CTNNA3: variants seen among roughly 807,000 people sequenced by gnomAD.
CTNNA3 encodes catenin alpha 3, also known as catenin alpha-3.
A neutral mutation model predicts 95.7 loss-of-function variants in CTNNA3; 76 were observed. The ratio of observed to expected loss-of-function variants is 0.79; its 90% CI spans 0.66 to 0.96. The LOEUF (loss-of-function observed/expected upper bound fraction) is 0.96, where lower values mean the gene tolerates loss of function less well. Ranked by LOEUF, CTNNA3 falls within the 40% of genes least tolerant of loss-of-function variation. The pLI is 0.00. For synonymous variants in CTNNA3, 431 were observed against 374.4 expected, an observed-to-expected ratio of 1.15 and a Z score of -1.74; for missense variants, 1,191 against 1,089.8, an observed-to-expected ratio of 1.09 and a Z score of -1.31.
At chr10:66,998,857 C>A (rs1221125411) in intron 7 of CTNNA3, among the ~76,000 whole-genome samples, 1 of 152,016 alleles carries the variant, frequency 6.6e-6, no homozygotes, top group Non-Finnish European at 1.5e-5. Flanking sequence ...GAAGTTTGTT[C>A]CAATGGCTAT....
rs145296210 is a variant in CTNNA3 at position 66,133,388 on chromosome 10, G to A, written c.1885-30139C>T. ...AAATTAGCCAGGCGTGGTGGCAGCCGCCTGTCATCCCAGCTATGGGGGAGG... is the reference window on the plus strand; with the variant it reads ...AAATTAGCCAGGCGTGGTGGCAGCCACCTGTCATCCCAGCTATGGGGGAGG... On this transcript the variant is annotated intron_variant, in intron 13 of 17. Coordinates refer to ENST00000433211, the MANE Select transcript of CTNNA3 (RefSeq NM_013266.4). Among the ~76,000 whole-genome samples, 383 of 152,014 alleles carry A rather than the reference G, an allele frequency of 2.5e-3. 1 individual carries two copies. Among genetic ancestry groups the A allele is most frequent in the African/African-American group, 8.1e-3 (336 of 41,480 alleles).
chr10:66,071,291 T>C (rs533007364), intron 14 of CTNNA3, among the ~76,000 whole-genome samples: 3 of 84,100 alleles, frequency 3.6e-5, no homozygotes, highest in Admixed American at 1.2e-4. Context: ...AGAACTCTGA[T>C]AGAAATAACT....
intron 9 of CTNNA3, among the ~76,000 whole-genome samples, chr10:66,651,800 G>GGCCCTTGATCGCGGCACACAGCAGC (rs138035312): frequency 0.65 from 98,918 of 151,402 alleles, 33,090 homozygotes; most frequent in East Asian, 0.95. Flanking sequence ...AACCCGCATT[G>GGCCCTTGATCGCGGCACACAGCAGC]GCCGGTTCCC....
chr10:67,097,616 T>A, intron 7 of CTNNA3: 1 of 1,612,504 alleles, frequency 6.2e-7, no homozygotes. Context: ...TGTCAACCTT[T>A]CTGGCATACG....
chr10:66,353,582 G>T (rs1045468543), intron 12 of CTNNA3, among the ~76,000 whole-genome samples: 6 of 152,206 alleles, frequency 3.9e-5, no homozygotes, highest in Admixed American at 2.6e-4. Context: ...AAGCAGAAAA[G>T]AACATGGAAG....
intron 11 of CTNNA3, among the ~76,000 whole-genome samples, chr10:66,502,557 T>A (rs116902219): frequency 0.011 from 1,696 of 152,252 alleles, 17 homozygotes; most frequent in Middle Eastern, 0.017. Flanking sequence ...CTAAAGTTAA[T>A]CACTGTTATG....
At chr10:67,624,014 G>T (rs1007106778) in intron 2 of CTNNA3, among the ~76,000 whole-genome samples, 4 of 151,932 alleles carry the variant, frequency 2.6e-5, no homozygotes, top group Non-Finnish European at 2.9e-5. Context: ...GTAGAGACAG[G>T]TTTCTCCATG....
chr10:66,851,340 G>A (rs2084989457), intron 7 of CTNNA3, among the ~76,000 whole-genome samples: 2 of 152,094 alleles, frequency 1.3e-5, no homozygotes, highest in African/African-American at 4.8e-5. Flanking sequence ...ACTTGGCCCA[G>A]TAATCTGGCA....
At chr10:66,751,987 G>T (rs770959144) in intron 9 of CTNNA3, among the ~76,000 whole-genome samples, 1 of 152,078 alleles carries the variant, frequency 6.6e-6, no homozygotes, top group Non-Finnish European at 1.5e-5. Context: ...CATGTTTGTG[G>T]ATTGGAGAAC....
intron 11 of CTNNA3, among the ~76,000 whole-genome samples, chr10:66,476,125 C>T (rs555089588): frequency 2.0e-5 from 3 of 152,036 alleles, no homozygotes; most frequent in Non-Finnish European, 2.9e-5. Flanking sequence ...GAAAACCGAA[C>T]ACCACTTGTT....
chr10:67,637,208 G>C (rs1434071751), intron 2 of CTNNA3, among the ~76,000 whole-genome samples: 1 of 152,218 alleles, frequency 6.6e-6, no homozygotes, highest in East Asian at 1.9e-4. Flanking sequence ...CTAGAACTAC[G>C]TGACGAATGC....
At chr10:66,183,784 GATACCAATTAT>G (rs1207603334) in intron 13 of CTNNA3, among the ~76,000 whole-genome samples, 1 of 151,850 alleles carries the variant, frequency 6.6e-6, no homozygotes, top group Admixed American at 6.6e-5. Context: ...GGGTTTTATT[GATACCAATTAT>G]ATACCAATTA....
chr10:66,508,574 T>C (rs1019024237), intron 11 of CTNNA3, among the ~76,000 whole-genome samples: 3 of 152,088 alleles, frequency 2.0e-5, no homozygotes, highest in Non-Finnish European at 4.4e-5. Context: ...TTATATATAA[T>C]TTTATACTAC....
intron 11 of CTNNA3, among the ~76,000 whole-genome samples, chr10:66,383,643 G>A (rs1357735019): frequency 1.3e-5 from 2 of 152,130 alleles, no homozygotes; most frequent in Non-Finnish European, 1.5e-5. Flanking sequence ...ACACATGATT[G>A]TCAGATTCAC....
intron 13 of CTNNA3, among the ~76,000 whole-genome samples, chr10:66,105,314 T>C (rs1216710830): frequency 6.6e-6 from 1 of 152,210 alleles, no homozygotes; most frequent in Non-Finnish European, 1.5e-5. Context: ...TGTCACAGTA[T>C]TCTTGAGAAA....
At chr10:66,883,408 C>T (rs1844920543) in intron 7 of CTNNA3, among the ~76,000 whole-genome samples, 2 of 152,232 alleles carry the variant, frequency 1.3e-5, no homozygotes, top group South Asian at 4.1e-4. Context: ...GTGATTCCTA[C>T]CATTTAGAAA....
intron 3 of CTNNA3, among the ~76,000 whole-genome samples, chr10:67,584,195 G>A (rs1363627838): frequency 6.6e-6 from 1 of 152,108 alleles, no homozygotes; most frequent in East Asian, 1.9e-4. Flanking sequence ...CCATCTTTGT[G>A]GTTTTATCTA....
chr10:67,139,757 T>C (rs1487912560), intron 7 of CTNNA3, among the ~76,000 whole-genome samples: 1 of 152,184 alleles, frequency 6.6e-6, no homozygotes, highest in Non-Finnish European at 1.5e-5. Context: ...ATCCATAGTT[T>C]AGTGAATATT....
chr10:67,588,169 C>A (rs1480508242), intron 3 of CTNNA3, among the ~76,000 whole-genome samples: 2 of 150,366 alleles, frequency 1.3e-5, no homozygotes, highest in African/African-American at 4.9e-5. Flanking sequence ...TCCTTAAAAT[C>A]AGTATTTTGA....
Sources: allele counts gnomAD v4.1 joint callset (sites outside exome capture counted in the v4.1 genomes callset), GRCh38; gene constraint gnomAD v4.1.1; transcripts MANE v1.5; gene names NCBI Gene and HGNC (gene_info 2026-07-23, HGNC 2026-07-21).